The following GNE variants were observed in gnomAD, a reference collection of about 807,000 sequenced individuals.
The protein encoded by GNE is glucosamine (UDP-N-acetyl)-2-epimerase/N-acetylmannosamine kinase, also known as bifunctional UDP-N-acetylglucosamine 2-epimerase/N-acetylmannosamine kinase.
A neutral mutation model predicts 61.8 loss-of-function variants in GNE; 41 were observed. The ratio of observed to expected loss-of-function variants is 0.66; its 90% confidence interval spans 0.52 to 0.86. The LOEUF (loss-of-function observed/expected upper bound fraction) is 0.86, where lower values mean the gene tolerates loss of function less well. Among genes scored for constraint, GNE ranks in the 40% least tolerant of loss-of-function variants. The probability of loss-of-function intolerance (pLI) is 0.00; values close to 1 mark genes in which losing one functional copy is unlikely to be tolerated. For missense variants in GNE, 608 were observed against 909.1 expected, an observed-to-expected ratio of 0.67 and a Z score of 4.26; for synonymous variants, 264 against 326.4, an observed-to-expected ratio of 0.81 and a Z score of 2.06.
Position 36,227,350 on chromosome 9 carries a change from C to T in GNE, c.1179G>A (p.Lys393=). 6.2e-7 allele frequency: 1 copy of T among 1,611,936 alleles called. No homozygotes were observed. The highest frequency in any genetic ancestry group is 8.5e-7 in the Non-Finnish European group (1 of 1,177,976). ...GGTCAATATCTTGAGAGATATTCTC[C>T]TTCACAGGAGGAAAGCAGAATTTCT... ...LQKKFCFPPV[K]ENISQDIDHI... is the part of the protein sequence containing the mutation. The change falls in exon 7 of 12, where the codon AAG becomes AAA. Residue 393 remains lysine (K), a synonymous_variant. Coordinates refer to ENST00000642385, the MANE Select transcript of GNE (RefSeq NM_005476.7).
chr9:36,271,791 T>C (rs1359699629), intron 1 of GNE, among the ~76,000 whole-genome samples: 4 of 152,238 alleles, frequency 2.6e-5, no homozygotes, highest in Non-Finnish European at 5.9e-5. Context: ...AAATCAGTCA[T>C]ATTAGTCACC....
chr9:36,216,352 T>TGTGTGTGTGTGTGTGTGTGG lies in GNE; in HGVS notation c.*1012_*1013insCCACACACACACACACACAC. 2.4e-6 allele frequency: 1 copy of TGTGTGTGTGTGTGTGTGTGG among 415,480 alleles called. No homozygotes were observed. Among genetic ancestry groups the TGTGTGTGTGTGTGTGTGTGG allele is most frequent in the South Asian group, 1.6e-5 (1 of 61,200 alleles). The allele number at this position is 415,480 out of a possible 1,614,324, so 25.7% of individuals were successfully genotyped here. A position where few individuals can be genotyped will look rare whatever the true frequency, so the allele number is the denominator to read the frequency against. ...ATGTGTGTGTGTGTGTGTGTGTGTG[T>TGTGTGTGTGTGTGTGTGTGG]GTAGACGGAGTCTCGCTCTGTCACC... On this transcript the variant is annotated 3_prime_UTR_variant, in exon 12 of 12. Transcript: ENST00000642385.
intron 7 of GNE, among the ~76,000 whole-genome samples, chr9:36,224,550 G>A (rs914233704): frequency 5.9e-5 from 9 of 151,720 alleles, no homozygotes; most frequent in Non-Finnish European, 1.0e-4. Context: ...TTTCCATCCT[G>A]GCTGGCAGAA....
At chr9:36,230,177 A>C (rs1380858879) in intron 5 of GNE, among the ~76,000 whole-genome samples, 2 of 152,180 alleles carry the variant, frequency 1.3e-5, no homozygotes, top group African/African-American at 4.8e-5. Context: ...TCCTGACCTC[A>C]AGTGATCCAC....
Position 36,218,382 on chromosome 9 carries a change from C to G in GNE, c.1817-83G>C. ...CCACTGGGCCTGTGGAAAGCAAGCC[C>G]CTACATGGGAAGACGGTGTTTTCTT... is the stretch of plus-strand genomic sequence containing the variant. On this transcript the variant is annotated intron_variant, in intron 10 of 11. Transcript: ENST00000642385. The surrounding 1 kb of genome is among the most constrained non-coding windows in gnomAD (Gnocchi z 4.1). 2.2e-6 allele frequency: 2 copies of G among 915,964 alleles called. No individual in the cohort carries two copies. Among genetic ancestry groups the G allele is most frequent in the Non-Finnish European group, 3.6e-6 (2 of 548,480 alleles). 56.7% of individuals were successfully genotyped at this position (915,964 alleles called of 1,614,324 possible). A position where few individuals can be genotyped will look rare whatever the true frequency, so the allele number is the denominator to read the frequency against.
Position 36,233,676 on chromosome 9 carries a change from AAAAG to A in GNE, c.982+240_982+243del, listed in dbSNP as rs1349193408. Among the ~76,000 whole-genome samples, 16 of 152,332 alleles carry A rather than the reference AAAAG, an allele frequency of 1.1e-4. 1 individual carries two copies. The South Asian group carries it at 3.3e-3, about 32-fold the overall frequency. On this transcript the variant is annotated intron_variant, in intron 5 of 11. Transcript: ENST00000642385. The stretch of plus-strand genomic sequence containing the variant: ...AGCGAGACTCCATCTCAAAAAAAAA[AAAAG>A]AAAGAACCACTTAGTGCTAATTGAT...
chr9:36,257,845 G>A (rs1199777787), intron 1 of GNE, among the ~76,000 whole-genome samples: 1 of 138,134 alleles, frequency 7.2e-6, no homozygotes, highest in Admixed American at 7.0e-5. Flanking sequence ...AAATTGGGGT[G>A]AGGGCGGGGA....
At chr9:36,223,324 T>A (rs953432400) in intron 8 of GNE, 49 bp downstream of exon 8, 3 of 1,539,098 alleles carry the variant, frequency 1.9e-6, no homozygotes, top group Non-Finnish European at 2.7e-6. Flanking sequence ...GTTAGTAAAT[T>A]TTGTACATTA....
chr9:36,233,482 A>C (rs544352881), intron 5 of GNE, among the ~76,000 whole-genome samples: 2 of 152,020 alleles, frequency 1.3e-5, no homozygotes, highest in Non-Finnish European at 2.9e-5. Context: ...CTGGCTAACA[A>C]AGTGAAACCC....
chr9:36,249,913 C>G (rs1830052758), intron 1 of GNE, among the ~76,000 whole-genome samples: 1 of 151,644 alleles, frequency 6.6e-6, no homozygotes, highest in Non-Finnish European at 1.5e-5. Flanking sequence ...GAAACTCCAG[C>G]AAACTAACTG....
At chr9:36,228,982 C>T in intron 6 of GNE, 39 bp downstream of exon 6, 1 of 1,094,610 alleles carries the variant, frequency 9.1e-7, no homozygotes, top group Non-Finnish European at 1.4e-6. Flanking sequence ...AAGGTAGCTC[C>T]CCTTTTAAAT....
upstream of GNE, among the ~76,000 whole-genome samples, chr9:36,259,074 A>G (rs749710512): frequency 6.6e-6 from 1 of 152,214 alleles, no homozygotes; most frequent in Non-Finnish European, 1.5e-5. Context: ...CTGAAGATAA[A>G]TAAGACTTTG....
rs71336439 is a variant in GNE, at chr9:36,274,068, C to CTGTGTGTGTGTGTG, written c.51+2812_51+2825dup. Among the ~76,000 whole-genome samples the CTGTGTGTGTGTGTG allele has an allele frequency of 4.1e-4, 58 of 142,324 alleles. 1 individual carries two copies. The highest frequency in any genetic ancestry group is 1.4e-3 in the African/African-American group (54 of 37,550). The allele number at this position is 142,324 out of a possible 152,430, so 93.4% of individuals were successfully genotyped here. ...AACCCAGGTGCTTCGGTCTATGGTA[C>CTGTGTGTGTGTGTG]TGTGTGTGTGTGTGTGTGTGTGTGT... On this transcript the variant is annotated intron_variant, in intron 1 of 11. Coordinates refer to the GNE transcript ENST00000396594.
In GNE at chr9:36,227,302, G is replaced by C. The variant is rs1828914515; in HGVS notation, c.1227C>G (p.Ala409=). Residue 409 remains alanine, a synonymous_variant, in exon 7 of 12, where the codon GCC becomes GCG. Transcript: ENST00000642385. ...TCGTCCCGCCAAGATCAACGGCCAA[G>C]GCACTTAGAGTTTCAAGAATATGGT... The part of the protein sequence containing the change: ...DIDHILETLS[A]LAVDLGGTNL... 1 of 1,613,708 alleles carries C rather than the reference G, an allele frequency of 6.2e-7. No homozygotes were observed. Among genetic ancestry groups the C allele is most frequent in the Non-Finnish European group, 8.5e-7 (1 of 1,179,668 alleles).
chr9:36,219,121 A>G (rs1243845528), intron 10 of GNE, among the ~76,000 whole-genome samples: 2 of 152,018 alleles, frequency 1.3e-5, no homozygotes, highest in Non-Finnish European at 2.9e-5. Context: ...ATTCTCTCTG[A>G]CTGCGCTTTT....
chr9:36,242,782 G>A (rs1200612030), intron 3 of GNE, among the ~76,000 whole-genome samples: 1 of 141,554 alleles, frequency 7.1e-6, no homozygotes, highest in Admixed American at 7.5e-5. Context: ...TCTTCACCCA[G>A]GCTGGAGTGT....
At chr9:36,250,668 T>C (rs10758352) in intron 1 of GNE, among the ~76,000 whole-genome samples, 115,027 of 152,034 alleles carry the variant, frequency 0.76, 44,012 homozygotes, top group Non-Finnish European at 0.8. Flanking sequence ...GGTTTGCCTG[T>C]CTCCTATAAA....
intron 2 of GNE, among the ~76,000 whole-genome samples, chr9:36,248,396 C>T (rs1829988085): frequency 6.6e-6 from 1 of 151,350 alleles, no homozygotes; most frequent in Admixed American, 6.6e-5. Context: ...CTCATTGCAA[C>T]CTCCGCCTCC....
intron 2 of GNE, among the ~76,000 whole-genome samples, chr9:36,246,937 G>A (rs1403706928): frequency 2.0e-5 from 3 of 152,050 alleles, no homozygotes; most frequent in Non-Finnish European, 2.9e-5. Flanking sequence ...CCAAAGTGCT[G>A]GGATTACACG....
Sources: allele counts gnomAD v4.1 joint callset (sites outside exome capture counted in the v4.1 genomes callset), GRCh38; gene constraint gnomAD v4.1.1; non-coding constraint Gnocchi (gnomAD v3.1); transcripts MANE v1.5; gene names NCBI Gene and HGNC (gene_info 2026-07-23, HGNC 2026-07-21).